Variants in DLGAP2 observed in about 807,000 individuals in gnomAD.
DLGAP2 encodes the protein disks large-associated protein 2.
Under a neutral mutation model 100.3 loss-of-function variants are expected in DLGAP2, and 26 were observed. The observed-to-expected ratio is 0.26, with a 90% CI of 0.19 to 0.36. The LOEUF is 0.36. Among genes scored for constraint, DLGAP2 ranks in the 10% least tolerant of loss-of-function variants. The probability of loss-of-function intolerance (pLI) is 1.00; values close to 1 mark genes in which losing one functional copy is unlikely to be tolerated. For missense variants in DLGAP2, 1,858 were observed against 1,453.2 expected (o/e 1.28, Z -4.53); for synonymous variants, 886 against 630.1 (o/e 1.41, Z -6.08).
intron 10 of DLGAP2, among the ~76,000 whole-genome samples, chr8:1,673,908 T>C (rs1798749700): frequency 6.6e-6 from 1 of 152,216 alleles, no homozygotes; most frequent in African/African-American, 2.4e-5. Context: ...TGTTATATTT[T>C]TCTTTTTCAT....
chr8:1,477,223 C>T (rs893221815), intron 3 of DLGAP2, among the ~76,000 whole-genome samples: 1 of 152,204 alleles, frequency 6.6e-6, no homozygotes, highest in Non-Finnish European at 1.5e-5. Context: ...GAGATCCCAC[C>T]CACCCTCTTT....
intron 3 of DLGAP2, among the ~76,000 whole-genome samples, chr8:1,316,333 T>C (rs1800747819): frequency 7.3e-6 from 1 of 137,350 alleles, no homozygotes; most frequent in Admixed American, 7.4e-5. Context: ...CGTTTAAAAA[T>C]AGAGCCTGTG....
chr8:1,346,335 C>A (rs1226830561), intron 3 of DLGAP2, among the ~76,000 whole-genome samples: 1 of 151,374 alleles, frequency 6.6e-6, no homozygotes, highest in Non-Finnish European at 1.5e-5. Context: ...CGTTCCCATA[C>A]ACATCTGCAT....
At chr8:836,807 C>A (rs964370131) in intron 1 of DLGAP2, among the ~76,000 whole-genome samples, 29 of 152,326 alleles carry the variant, frequency 1.9e-4, no homozygotes, top group Admixed American at 1.2e-3. Context: ...TAACGGAGAT[C>A]TTTTGTTTCC....
At chr8:1,241,911 T>C (rs78712243) in intron 2 of DLGAP2, among the ~76,000 whole-genome samples, 5,795 of 152,324 alleles carry the variant, frequency 0.038, 345 homozygotes, top group African/African-American at 0.13. Flanking sequence ...ATAAATGTTC[T>C]TGAAGTTTTA....
intron 2 of DLGAP2, among the ~76,000 whole-genome samples, chr8:977,775 G>T (rs1407727310): frequency 1.5e-5 from 2 of 134,958 alleles, no homozygotes; most frequent in African/African-American, 5.3e-5. Context: ...GGTGTTGTGG[G>T]GAGGGCGTCG....
intron 2 of DLGAP2, among the ~76,000 whole-genome samples, chr8:1,212,959 T>C (rs1280118197): frequency 6.6e-6 from 1 of 151,942 alleles, no homozygotes; most frequent in African/African-American, 2.4e-5. Context: ...TCTTATGAGG[T>C]TTATTCTATT....
chr8:1,215,956 C>T (rs1798204177), intron 2 of DLGAP2, among the ~76,000 whole-genome samples: 1 of 151,636 alleles, frequency 6.6e-6, no homozygotes, highest in African/African-American at 2.4e-5. Flanking sequence ...GGGTGCATCA[C>T]CTGGAGACGT....
chr8:935,582 T>G (rs1799051955), intron 2 of DLGAP2, among the ~76,000 whole-genome samples: 1 of 152,212 alleles, frequency 6.6e-6, no homozygotes, highest in African/African-American at 2.4e-5. Flanking sequence ...GTATTTCTCT[T>G]GGACGGTGTG....
At chr8:979,119 T>A (rs1363856649) in intron 2 of DLGAP2, among the ~76,000 whole-genome samples, 1 of 152,124 alleles carries the variant, frequency 6.6e-6, no homozygotes, top group Non-Finnish European at 1.5e-5. Flanking sequence ...GGATGGCGAG[T>A]GCAGTTCTTG....
At chr8:1,449,164 T>G (rs548063160) in intron 3 of DLGAP2, among the ~76,000 whole-genome samples, 8 of 152,168 alleles carry the variant, frequency 5.3e-5, no homozygotes, top group Non-Finnish European at 8.8e-5. Context: ...GGAAAGTCAC[T>G]TATATGATCA....
intron 2 of DLGAP2, among the ~76,000 whole-genome samples, chr8:1,143,777 C>G (rs1796560959): frequency 6.6e-6 from 1 of 152,224 alleles, no homozygotes; most frequent in Admixed American, 6.5e-5. Context: ...GTCACCAGCA[C>G]CTCTGTGTGC....
chr8:806,619 C>T (rs1585884643), intron 1 of DLGAP2, among the ~76,000 whole-genome samples: 1 of 152,198 alleles, frequency 6.6e-6, no homozygotes, highest in Non-Finnish European at 1.5e-5. Flanking sequence ...TGCTCGGCTG[C>T]TCCTGGGGTC....
intron 2 of DLGAP2, among the ~76,000 whole-genome samples, chr8:918,906 C>G (rs1044924893): frequency 6.6e-6 from 1 of 152,144 alleles, no homozygotes; most frequent in Non-Finnish European, 1.5e-5. Context: ...AATCTGAAGA[C>G]TGAGCTTTCA....
At chr8:1,201,560 C>A (rs567183501) in intron 2 of DLGAP2, among the ~76,000 whole-genome samples, 1 of 152,206 alleles carries the variant, frequency 6.6e-6, no homozygotes, top group Non-Finnish European at 1.5e-5. Context: ...GGATATAGAT[C>A]GCTTTAGACA....
intron 1 of DLGAP2, among the ~76,000 whole-genome samples, chr8:895,106 T>C (rs1798119724): frequency 6.6e-6 from 1 of 151,130 alleles, no homozygotes; most frequent in Non-Finnish European, 1.5e-5. Context: ...CACAGTATAG[T>C]GACTGCAGTT....
At chr8:1,642,090 C>G (rs369328152) in intron 8 of DLGAP2, among the ~76,000 whole-genome samples, 1 of 18,590 alleles carries the variant, frequency 5.4e-5, no homozygotes, top group Non-Finnish European at 8.4e-5. Flanking sequence ...GTGTCACCCT[C>G]GAACCCGCCG....
chr8:963,215 G>GTC (rs1799768561), intron 2 of DLGAP2, among the ~76,000 whole-genome samples: 2 of 151,770 alleles, frequency 1.3e-5, no homozygotes, highest in Admixed American at 6.5e-5. Flanking sequence ...AGGGAGCAGA[G>GTC]GTGGATGTAG....
chr8:1,487,371 A>G (rs1422586575), intron 3 of DLGAP2, among the ~76,000 whole-genome samples: 1 of 152,222 alleles, frequency 6.6e-6, no homozygotes, highest in Non-Finnish European at 1.5e-5. Flanking sequence ...GAAGAAAACA[A>G]CCAACCACAA....
Sources: allele counts gnomAD v4.1 joint callset (sites outside exome capture counted in the v4.1 genomes callset), GRCh38; gene constraint gnomAD v4.1.1; transcripts MANE v1.5; gene names NCBI Gene and HGNC (gene_info 2026-07-23, HGNC 2026-07-21).